The following SCG3 variants were observed in gnomAD, a reference collection of about 807,000 sequenced individuals.
SCG3 encodes the protein secretogranin-3.
In SCG3, 38 loss-of-function variants were observed where a neutral mutation model predicts 56.2. The observed-to-expected ratio is 0.68, with a 90% confidence interval of 0.52 to 0.89. The LOEUF (loss-of-function observed/expected upper bound fraction) is 0.89. Among genes scored for constraint, SCG3 ranks in the 40% least tolerant of loss-of-function variants. The pLI, the probability that SCG3 is intolerant of heterozygous loss-of-function variation, is 0.00. For missense variants in SCG3, 524 were observed against 540.7 expected, an observed-to-expected ratio of 0.97 and a Z score of 0.31; for synonymous variants, 176 against 184.2, an observed-to-expected ratio of 0.96 and a Z score of 0.36.
chr15:51,709,142 A>G (rs2055395196), intron 10 of SCG3, among the ~76,000 whole-genome samples: 1 of 152,228 alleles, frequency 6.6e-6, no homozygotes, highest in South Asian at 2.1e-4. Context: ...GGAAGGGGAA[A>G]CAAACAAGTC....
At chr15:51,705,137 A>G (rs1462751922) in intron 10 of SCG3, among the ~76,000 whole-genome samples, 3 of 152,124 alleles carry the variant, frequency 2.0e-5, no homozygotes, top group East Asian at 3.9e-4. Flanking sequence ...GCTCACCTCA[A>G]CAGAAACCCA....
At chr15:51,694,979 C>T (rs1332621416) in intron 7 of SCG3, among the ~76,000 whole-genome samples, 3 of 150,026 alleles carry the variant, frequency 2.0e-5, no homozygotes, top group Non-Finnish European at 4.4e-5. Context: ...TGCAGTAAGC[C>T]GAGATGGTGC....
intron 11 of SCG3, among the ~76,000 whole-genome samples, chr15:51,718,665 G>A (rs1416039661): frequency 6.6e-6 from 1 of 152,096 alleles, no homozygotes. Context: ...TCAGAAAGGT[G>A]TCATAGGCAG....
chr15:51,702,306 G>GGC (rs1284912408), intron 10 of SCG3, among the ~76,000 whole-genome samples: 3 of 151,946 alleles, frequency 2.0e-5, no homozygotes, highest in African/African-American at 7.3e-5. Context: ...GCCCAGGCTA[G>GGC]AGTACAGTGG....
chr15:51,716,395 G>C (rs2055456103), intron 11 of SCG3, among the ~76,000 whole-genome samples: 1 of 152,078 alleles, frequency 6.6e-6, no homozygotes, highest in Non-Finnish European at 1.5e-5. Flanking sequence ...TGAGAGAATG[G>C]GAAAAGTGAA....
intron 10 of SCG3, among the ~76,000 whole-genome samples, chr15:51,705,115 T>C (rs886432089): frequency 1.3e-5 from 2 of 152,158 alleles, no homozygotes; most frequent in Admixed American, 1.3e-4. Context: ...TTGGGCAGCA[T>C]AGAGCATTAC....
chr15:51,701,068 G>A, intron 9 of SCG3, 39 bp from the exon 10 acceptor site: 1 of 1,607,534 alleles, frequency 6.2e-7, no homozygotes, highest in Non-Finnish European at 8.5e-7. Context: ...TAATAGATAG[G>A]AAACAGGGCT....
chr15:51,699,430 CT>C, intron 9 of SCG3, 28 bp downstream of exon 9: 1 of 1,407,840 alleles, frequency 7.1e-7, no homozygotes, highest in Admixed American at 2.0e-5. Context: ...TTTTTTTAGC[CT>C]TTAGAATAAT....
chr15:51,686,705 A>ATGTT (rs1184762798), intron 4 of SCG3, among the ~76,000 whole-genome samples: 7 of 33,876 alleles, frequency 2.1e-4, no homozygotes, highest in African/African-American at 3.7e-4. Context: ...GTTTGTTTGT[A>ATGTT]TGTTTGTTTG....
chr15:51,695,326 A>G (rs868685910), intron 7 of SCG3, among the ~76,000 whole-genome samples: 1 of 152,134 alleles, frequency 6.6e-6, no homozygotes, highest in African/African-American at 2.4e-5. Context: ...GAGACTTACC[A>G]CCTGAGTAGA....
chr15:51,712,932 T>C (rs902036366), intron 10 of SCG3, among the ~76,000 whole-genome samples: 6 of 152,200 alleles, frequency 3.9e-5, no homozygotes, highest in African/African-American at 1.4e-4. Flanking sequence ...GCCACTCTCA[T>C]TCAAGTCCTT....
At chr15:51,706,646 G>A (rs969791503) in intron 10 of SCG3, among the ~76,000 whole-genome samples, 1 of 152,054 alleles carries the variant, frequency 6.6e-6, no homozygotes, top group Non-Finnish European at 1.5e-5. Context: ...TTAACCATGC[G>A]TAGCATGAAC....
At chr15:51,681,932 C>T (rs754271119) in intron 1 of SCG3, 95 bp downstream of exon 1, 8 of 907,402 alleles carry the variant, frequency 8.8e-6, no homozygotes, top group African/African-American at 1.6e-5. Context: ...CACCCTGACG[C>T]GTTTTCTGAT....
intron 4 of SCG3, among the ~76,000 whole-genome samples, chr15:51,685,200 T>A (rs74436198): frequency 0.049 from 7,405 of 152,276 alleles, 575 homozygotes; most frequent in African/African-American, 0.17. Flanking sequence ...ATTTACTTTT[T>A]AAAATCTTGA....
chr15:51,687,978 T>G (rs958208237), intron 4 of SCG3, among the ~76,000 whole-genome samples: 1 of 152,230 alleles, frequency 6.6e-6, no homozygotes, highest in African/African-American at 2.4e-5. Flanking sequence ...GTTTGTATTA[T>G]TGGTGATAAC....
intron 10 of SCG3, among the ~76,000 whole-genome samples, chr15:51,704,246 T>TACATACATAC (rs1268931268): frequency 2.1e-5 from 2 of 97,540 alleles, no homozygotes; most frequent in Non-Finnish European, 3.7e-5. Context: ...CATACATACA[T>TACATACATAC]ATATATATAT....
chr15:51,684,810 C>T (rs939389918), intron 4 of SCG3, among the ~76,000 whole-genome samples: 15 of 152,166 alleles, frequency 9.9e-5, no homozygotes, highest in African/African-American at 3.6e-4. Context: ...AGAATAGAGA[C>T]ATTGTAACCC....
chr15:51,715,009 G>A (rs1415045108), intron 11 of SCG3, among the ~76,000 whole-genome samples: 1 of 152,168 alleles, frequency 6.6e-6, no homozygotes, highest in Non-Finnish European at 1.5e-5. Flanking sequence ...AATCACTGTA[G>A]TACACTGTGT....
intron 11 of SCG3, among the ~76,000 whole-genome samples, chr15:51,714,717 C>T (rs1176700074): frequency 3.3e-5 from 5 of 152,150 alleles, no homozygotes; most frequent in East Asian, 3.9e-4. Flanking sequence ...GTTTGCAAAC[C>T]GCTGAGATAC....
Sources: allele counts gnomAD v4.1 joint callset (sites outside exome capture counted in the v4.1 genomes callset), GRCh38; gene constraint gnomAD v4.1.1; transcripts MANE v1.5; gene names NCBI Gene and HGNC (gene_info 2026-07-23, HGNC 2026-07-21).